ZNF407: variants seen among roughly 807,000 people sequenced by gnomAD.
The protein encoded by ZNF407 is zinc finger protein 407.
ZNF407 carries 17 observed loss-of-function variants against 131.2 expected under a neutral mutation model. The ratio of observed to expected loss-of-function variants is 0.13; its 90% confidence interval spans 0.09 to 0.19. The LOEUF is 0.19. Ranked by LOEUF, ZNF407 falls within the 10% of genes least tolerant of loss-of-function variation. The pLI, the probability that ZNF407 is intolerant of heterozygous loss-of-function variation, is 1.00. For synonymous variants in ZNF407, 1,156 were observed against 1,062.0 expected, an observed-to-expected ratio of 1.09 and a Z score of -1.72; for missense variants, 2,681 against 2,830.6, an observed-to-expected ratio of 0.95 and a Z score of 1.20.
chr18:74,757,036 C>T (rs7227889), intron 3 of ZNF407, among the ~76,000 whole-genome samples: 120,906 of 151,834 alleles, frequency 0.8, 51,774 homozygotes, highest in East Asian at 0.96. Flanking sequence ...GATGATCTTT[C>T]CAAAGAACTA....
At chr18:74,716,160 G>A (rs1967889583) in intron 3 of ZNF407, among the ~76,000 whole-genome samples, 1 of 152,186 alleles carries the variant, frequency 6.6e-6, no homozygotes, top group Non-Finnish European at 1.5e-5. Context: ...TTAATTTTTA[G>A]TTGTATCTTG....
At chr18:74,942,593 C>T (rs1237377413) in intron 8 of ZNF407, among the ~76,000 whole-genome samples, 15 of 152,168 alleles carry the variant, frequency 9.9e-5, no homozygotes, top group African/African-American at 3.1e-4. Flanking sequence ...ATTTCAGAAA[C>T]GTGCTTTTTA....
Position 74,632,859 on chromosome 18 carries a change from C to A in ZNF407, c.1840C>A (p.His614Asn). 6.2e-7 allele frequency: 1 copy of A among 1,613,478 alleles called. No individual in the cohort carries two copies. The highest frequency in any genetic ancestry group is 8.5e-7 in the Non-Finnish European group (1 of 1,179,878). Reference sequence around the variant, plus strand: ...CCACATGAAGGAAAAGCACAATATGCATTTTCTTTGCACCCCTTGTAATCT... The same window carrying A: ...CCACATGAAGGAAAAGCACAATATGAATTTTCTTTGCACCCCTTGTAATCT... Reference protein sequence around the residue: ...RDHMKEKHNMHFLCTPCNLFF... With the variant: ...RDHMKEKHNMNFLCTPCNLFF... The change falls in exon 2 of 9, where the codon CAT (histidine) becomes AAT (asparagine). Residue 614 changes from histidine (H) to asparagine (N), a missense_variant. Coordinates refer to ENST00000299687, the MANE Select transcript of ZNF407 (RefSeq NM_017757.3).
chr18:74,962,857 C>T lies in ZNF407; in HGVS notation c.5428+42165C>T, dbSNP rs115272774. On this transcript the variant is annotated intron_variant, in intron 8 of 8. Transcript: ENST00000299687. ...GTAAACTCTTTGAAGGCCTGAGACT[C>T]GGCTGAGGGTTTTGATGAAAGAATT... 4.2e-3 allele frequency among the ~76,000 whole-genome samples: 635 copies of T among 152,304 alleles called. 4 individuals are homozygous for T. Among genetic ancestry groups the T allele is most frequent in the African/African-American group, 0.015 (603 of 41,576 alleles).
rs1197366774 is a variant in ZNF407, at chr18:75,064,749, T to C, written c.*281T>C. 4 of 353,828 alleles carry C rather than the reference T, an allele frequency of 1.1e-5. No individual in the cohort carries two copies. The highest frequency in any genetic ancestry group is 2.1e-5 in the Non-Finnish European group (4 of 194,916). The allele number at this position is 353,828 out of a possible 1,614,324, so 21.9% of individuals were successfully genotyped here. A position where few individuals can be genotyped will look rare whatever the true frequency, so the allele number is the denominator to read the frequency against. ...GGTCCACTGGGGGCCCTTCGATCAG[T>C]GGCCTCCCGCTTCGTCCTGGCCGCT... On this transcript the variant is annotated 3_prime_UTR_variant, in exon 9 of 9. Transcript: ENST00000299687.
At chr18:74,727,736 G>T (rs764323879) in intron 3 of ZNF407, among the ~76,000 whole-genome samples, 7 of 152,228 alleles carry the variant, frequency 4.6e-5, no homozygotes, top group Admixed American at 4.6e-4. Context: ...TGCGCGGCAG[G>T]TAAGGAGTTT....
intron 3 of ZNF407, among the ~76,000 whole-genome samples, chr18:74,688,084 C>G (rs1317216215): frequency 1.3e-5 from 2 of 152,104 alleles, no homozygotes; most frequent in African/African-American, 4.8e-5. Context: ...TTCTTTAGAA[C>G]ACTTTGTTTC....
intron 8 of ZNF407, among the ~76,000 whole-genome samples, chr18:75,025,382 G>GAC (rs1973159195): frequency 6.6e-6 from 1 of 152,220 alleles, no homozygotes; most frequent in Non-Finnish European, 1.5e-5. Flanking sequence ...ATGTCAGTGA[G>GAC]ACACCTCTTC....
chr18:74,852,821 G>A (rs1291297659), intron 4 of ZNF407, among the ~76,000 whole-genome samples: 1 of 152,022 alleles, frequency 6.6e-6, no homozygotes, highest in African/African-American at 2.4e-5. Context: ...ATTTTTTCAA[G>A]GTTTGTGATG....
chr18:75,053,247 AC>A (rs1973523689), intron 8 of ZNF407, among the ~76,000 whole-genome samples: 1 of 152,106 alleles, frequency 6.6e-6, no homozygotes, highest in Non-Finnish European at 1.5e-5. Context: ...GTCCCGCCTC[AC>A]CCCGTCCTGT....
intron 3 of ZNF407, among the ~76,000 whole-genome samples, chr18:74,707,534 T>C (rs1254969424): frequency 6.6e-6 from 1 of 152,132 alleles, no homozygotes; most frequent in African/African-American, 2.4e-5. Context: ...ATTCTTTGAG[T>C]GTTACGTTGA....
At chr18:74,981,685 G>A (rs1444714970) in intron 8 of ZNF407, among the ~76,000 whole-genome samples, 6 of 152,174 alleles carry the variant, frequency 3.9e-5, no homozygotes, top group Non-Finnish European at 5.9e-5. Flanking sequence ...TGGGGAGGAC[G>A]CGGCGTGGAC....
Position 74,901,044 on chromosome 18 carries a change from C to G in ZNF407, c.5249+11006C>G, listed in dbSNP as rs369167489. Among the ~76,000 whole-genome samples the G allele has an allele frequency of 1.3e-4, 20 of 152,240 alleles. No homozygotes were observed. In the East Asian group the frequency reaches 2.1e-3, roughly 16 times the overall value. ...ATGTGAACAGGGAAGGCAAACATAT[C>G]ACCCTGTAGGCTGAGATAGGGAACG... On this transcript the variant is annotated intron_variant, in intron 7 of 8. Coordinates refer to ENST00000299687, the MANE Select transcript of ZNF407 (RefSeq NM_017757.3).
At chr18:74,785,807 G>C (rs1049505677) in intron 4 of ZNF407, among the ~76,000 whole-genome samples, 2 of 148,414 alleles carry the variant, frequency 1.3e-5, no homozygotes, top group African/African-American at 4.9e-5. Flanking sequence ...GGCACACACA[G>C]CATGTACATG....
intron 4 of ZNF407, among the ~76,000 whole-genome samples, chr18:74,792,947 A>G (rs1969853320): frequency 6.6e-6 from 1 of 152,204 alleles, no homozygotes; most frequent in Non-Finnish European, 1.5e-5. Flanking sequence ...AATATCTTTT[A>G]TATATGCAGC....
intron 8 of ZNF407, among the ~76,000 whole-genome samples, chr18:75,006,315 C>T (rs1039193059): frequency 5.3e-5 from 8 of 152,014 alleles, no homozygotes; most frequent in Admixed American, 4.6e-4. Flanking sequence ...TTATTTTCTG[C>T]CTTTTACTTT....
intron 3 of ZNF407, among the ~76,000 whole-genome samples, chr18:74,719,082 T>C (rs1427690633): frequency 1.3e-5 from 2 of 152,212 alleles, no homozygotes; most frequent in Non-Finnish European, 2.9e-5. Context: ...GTACATATTC[T>C]TAGGGGACAT....
chr18:74,976,170 T>C (rs995907544), intron 8 of ZNF407, among the ~76,000 whole-genome samples: 1 of 152,204 alleles, frequency 6.6e-6, no homozygotes. Flanking sequence ...TGACCCCAAA[T>C]GTTGGATAGC....
intron 3 of ZNF407, among the ~76,000 whole-genome samples, chr18:74,771,992 T>A (rs886929325): frequency 2.6e-5 from 4 of 152,230 alleles, no homozygotes; most frequent in African/African-American, 4.8e-5. Flanking sequence ...TAGTTTCATT[T>A]TTCTTACTTT....
Sources: gnomAD v4.1 joint callset for allele counts (sites outside exome capture counted in the v4.1 genomes callset) on GRCh38, gnomAD v4.1.1 for gene constraint, MANE v1.5 for transcripts, NCBI Gene and HGNC (gene_info 2026-07-23, HGNC 2026-07-21) for gene names.